PXN: variants seen among roughly 807,000 people sequenced by gnomAD.
PXN encodes the protein testicular tissue protein Li 134.
In PXN, 61 loss-of-function variants were observed where a neutral mutation model predicts 103.6. The observed-to-expected ratio is 0.59, with a 90% CI of 0.48 to 0.73. The LOEUF (loss-of-function observed/expected upper bound fraction) is 0.73, where lower values mean the gene tolerates loss of function less well. Among genes scored for constraint, PXN ranks in the 30% least tolerant of loss-of-function variants. The pLI, the probability that PXN is intolerant of heterozygous loss-of-function variation, is 0.00. For synonymous variants in PXN, 562 were observed against 607.8 expected, an observed-to-expected ratio of 0.92 and a Z score of 1.11; for missense variants, 1,274 against 1,460.3, an observed-to-expected ratio of 0.87 and a Z score of 2.08.
chr12:120,235,459 G>A (rs1023026414), intron 1 of PXN, among the ~76,000 whole-genome samples: 7 of 152,036 alleles, frequency 4.6e-5, no homozygotes, highest in African/African-American at 1.7e-4. Flanking sequence ...CGAGGACTGC[G>A]CTGCCTGACT....
In PXN at chr12:120,216,217, GA is replaced by G. The variant is rs1475179096; in HGVS notation, c.2301+55del. 6.3e-6 allele frequency: 8 copies of G among 1,269,826 alleles called. No homozygotes were observed. Among genetic ancestry groups the G allele is most frequent in the Non-Finnish European group, 6.9e-6 (7 of 1,011,448 alleles). 78.7% of individuals were successfully genotyped at this position (1,269,826 alleles called of 1,614,324 possible). A position where few individuals can be genotyped will look rare whatever the true frequency, so the allele number is the denominator to read the frequency against. On this transcript the variant is annotated intron_variant, in intron 9 of 14. Coordinates refer to ENST00000637617, the MANE Select transcript of PXN (RefSeq NM_001385981.1). The surrounding 1 kb of genome is among the most constrained non-coding windows in gnomAD (Gnocchi z 5.1). ...GCACGTGTGTGTGTGCAGAGTGGGG[GA>G]TGGCTCAGGCATTAGGACAGGGGAC... is the stretch of plus-strand genomic sequence containing the variant.
In PXN at chr12:120,212,820, A is replaced by G. The variant is rs377417922; in HGVS notation, c.2980-240T>C. On this transcript the variant is annotated intron_variant, in intron 14 of 14. Coordinates refer to ENST00000637617, the MANE Select transcript of PXN (RefSeq NM_001385981.1). This position sits in a 1 kb window ranked among gnomAD's most constrained non-coding sequence, Gnocchi z 7.2. ...TGCTGGTCAAATGTGGCCTCCTGCA[A>G]TCCTCCCACCTCGGCCTCCCACAGG... 7.0e-6 allele frequency: 3 copies of G among 426,316 alleles called. No individual in the cohort carries two copies. Among genetic ancestry groups the G allele is most frequent in the African/African-American group, 6.1e-5 (3 of 49,322 alleles). 26.4% of individuals were successfully genotyped at this position (426,316 alleles called of 1,614,324 possible). A position where few individuals can be genotyped will look rare whatever the true frequency, so the allele number is the denominator to read the frequency against.
At position 120,219,584 on chromosome 12, in the gene PXN, C is replaced by T. The variant is rs1473015577; in HGVS notation, c.1339G>A (p.Glu447Lys). Residue 447 changes from glutamate (E) to lysine (K), a missense_variant, in exon 7 of 15, where the codon GAG (glutamate) becomes AAG (lysine). Transcript: ENST00000637617. This position sits in a 1 kb window ranked among gnomAD's most constrained non-coding sequence, Gnocchi z 6.5. ...QPWASEVFGP[E>K]RMPPSGAARS... ...GCAGCTCCAGAGGGGGGCATTCTCT[C>T]AGGCCCGAATACCTCCGAAGCCCAT... 2 of 1,568,778 alleles carry T rather than the reference C, an allele frequency of 1.3e-6. No homozygotes were observed. The highest frequency in any genetic ancestry group is 1.7e-6 in the Non-Finnish European group (2 of 1,164,874).
chr12:120,238,427 G>A (rs941108733), intron 1 of PXN, among the ~76,000 whole-genome samples: 2 of 152,194 alleles, frequency 1.3e-5, no homozygotes, highest in Admixed American at 6.5e-5. Flanking sequence ...CTCCAACCAG[G>A]CTTGGCTGGC....
intron 1 of PXN, chr12:120,227,052 C>T: frequency 1.0e-6 from 1 of 986,316 alleles, no homozygotes; most frequent in Non-Finnish European, 1.2e-6. Context: ...ATGCAAAGTA[C>T]TAACTTCTTC....
chr12:120,248,920 T>C (rs990225185), intron 1 of PXN, among the ~76,000 whole-genome samples: 1 of 152,128 alleles, frequency 6.6e-6, no homozygotes, highest in Non-Finnish European at 1.5e-5. Flanking sequence ...GTGGATCACC[T>C]GAGGTCAGGA....
rs746023566 is a variant in PXN, at chr12:120,214,131, C to T, written c.2830+5G>A. The stretch of plus-strand genomic sequence containing the variant: ...GGTGGGTCAGTCCGCCGGTCCAGCC[C>T]GTACCTTCGGGACCAAAGAAGGCTC... On this transcript the variant is annotated splice_donor_5th_base_variant and intron_variant, in intron 13 of 14. Transcript: ENST00000637617. This position sits in a 1 kb window ranked among gnomAD's most constrained non-coding sequence, Gnocchi z 5.0. 1.7e-4 allele frequency: 261 copies of T among 1,553,114 alleles called. No individual in the cohort carries two copies. Among genetic ancestry groups the T allele is most frequent in the Admixed American group, 1.4e-3 (73 of 51,126 alleles).
intron 1 of PXN, among the ~76,000 whole-genome samples, chr12:120,230,812 C>T (rs1369787297): frequency 1.3e-5 from 2 of 152,034 alleles, no homozygotes; most frequent in African/African-American, 4.8e-5. Flanking sequence ...ACAATTAGGC[C>T]AGATCCACTC....
chr12:120,262,511 AC>A (rs1347238897), intron 1 of PXN, among the ~76,000 whole-genome samples: 7 of 152,206 alleles, frequency 4.6e-5, no homozygotes, highest in Admixed American at 2.6e-4. Flanking sequence ...TCCCAGCACT[AC>A]CACTAAACTT....
chr12:120,265,603 TC>T lies in PXN; in HGVS notation c.13+13del. On this transcript the variant is annotated intron_variant, in intron 1 of 14. Transcript: ENST00000637617. The surrounding 1 kb of genome is among the most constrained non-coding windows in gnomAD (Gnocchi z 5.7). ...CCTCTCGCCTCCTCCTCCCTCGGCCTCCCGCTCACTCACCGAGGTCGTCCAT... is the reference window on the plus strand; with the variant it reads ...CCTCTCGCCTCCTCCTCCCTCGGCCTCCGCTCACTCACCGAGGTCGTCCAT... The T allele has an allele frequency of 6.7e-7, 1 of 1,485,462 alleles. No individual in the cohort carries two copies. 92.0% of individuals were successfully genotyped at this position (1,485,462 alleles called of 1,614,324 possible).
intron 1 of PXN, among the ~76,000 whole-genome samples, chr12:120,227,364 G>A (rs1887092069): frequency 6.6e-6 from 1 of 152,198 alleles, no homozygotes; most frequent in Non-Finnish European, 1.5e-5. Context: ...AGCTGGGTGT[G>A]GTGATATGCG....
Position 120,214,054 on chromosome 12 carries a change from T to TC in PXN, c.2831-65dup, listed in dbSNP as rs1447723683. ...CTTCCAGAAGTGGAGCCACTCTGAC[T>TC]CCAACCTCAGCAGCGTCTCCCACCC... On this transcript the variant is annotated intron_variant, in intron 13 of 14. Coordinates refer to ENST00000637617, the MANE Select transcript of PXN (RefSeq NM_001385981.1). This position sits in a 1 kb window ranked among gnomAD's most constrained non-coding sequence, Gnocchi z 5.0. The TC allele has an allele frequency of 3.1e-5, 49 of 1,587,358 alleles. No individual in the cohort carries two copies. In the Middle Eastern group the frequency reaches 1.5e-3, roughly 48 times the overall value.
In PXN at chr12:120,221,398, CT is replaced by C. The variant is rs1885120709; in HGVS notation, c.831+224del. Among the ~76,000 whole-genome samples, 2 of 152,316 alleles carry C rather than the reference CT, an allele frequency of 1.3e-5. No individual in the cohort carries two copies. Among genetic ancestry groups the C allele is most frequent in the South Asian group, 4.1e-4 (2 of 4,830 alleles). On this transcript the variant is annotated intron_variant, in intron 6 of 14. Coordinates refer to ENST00000637617, the MANE Select transcript of PXN (RefSeq NM_001385981.1). The surrounding 1 kb of genome is among the most constrained non-coding windows in gnomAD (Gnocchi z 6.6). The stretch of plus-strand genomic sequence containing the variant: ...ATGTCCCAGCTGAGCACTTCTCCAG[CT>C]TGTCTGCCTTCACTGGCTACTGCAA...
chr12:120,234,437 G>T (rs1436832272), intron 1 of PXN, among the ~76,000 whole-genome samples: 1 of 152,038 alleles, frequency 6.6e-6, no homozygotes, highest in Admixed American at 6.6e-5. Context: ...AAACAGATAA[G>T]ATTTTGCTCT....
In PXN at chr12:120,225,204, T is replaced by A; in HGVS notation, c.14-827A>T. 6.0e-6 allele frequency: 1 copy of A among 166,738 alleles called. No homozygotes were observed. Among genetic ancestry groups the A allele is most frequent in the Admixed American group, 5.6e-5 (1 of 17,980 alleles). The allele number at this position is 166,738 out of a possible 1,614,324, so 10.3% of individuals were successfully genotyped here. ...CCCCAGTCTCCAGAAAAGAAGGGTA[T>A]AGAAGGGCAGGAGTAGGACCTGCTG... On this transcript the variant is annotated intron_variant, in intron 1 of 14. Coordinates refer to ENST00000637617, the MANE Select transcript of PXN (RefSeq NM_001385981.1). The surrounding 1 kb of genome is among the most constrained non-coding windows in gnomAD (Gnocchi z 4.4).
At chr12:120,254,671 C>A (rs1018086811) in intron 1 of PXN, among the ~76,000 whole-genome samples, 2 of 152,054 alleles carry the variant, frequency 1.3e-5, no homozygotes, top group Non-Finnish European at 1.5e-5. Flanking sequence ...CTGCCTCAGC[C>A]TCCCAAATAG....
rs1427968643 is a variant in PXN at position 120,265,096 on chromosome 12, G to A, written c.13+521C>T. Among the ~76,000 whole-genome samples the A allele has an allele frequency of 4.6e-5, 7 of 152,006 alleles. No individual in the cohort carries two copies. ...TCCGAGGGGTTATCCCTGAAGGGGG[G>A]TGCTAGTCTGTGAAGTGGGGGGCGG... On this transcript the variant is annotated intron_variant, in intron 1 of 14. Coordinates refer to ENST00000637617, the MANE Select transcript of PXN (RefSeq NM_001385981.1). The surrounding 1 kb of genome is among the most constrained non-coding windows in gnomAD (Gnocchi z 5.7).
At chr12:120,230,028 C>T (rs1000015133) in intron 1 of PXN, among the ~76,000 whole-genome samples, 2 of 152,192 alleles carry the variant, frequency 1.3e-5, no homozygotes, top group African/African-American at 2.4e-5. Flanking sequence ...ATTCTCGAGG[C>T]CTGGCCCAGG....
intron 1 of PXN, among the ~76,000 whole-genome samples, chr12:120,245,343 T>C (rs1186619298): frequency 6.6e-6 from 1 of 151,602 alleles, no homozygotes; most frequent in Non-Finnish European, 1.5e-5. Context: ...ACGTACAGAT[T>C]AGTGAGGCTG....
Sources: gnomAD v4.1 joint callset for allele counts (sites outside exome capture counted in the v4.1 genomes callset) on GRCh38, gnomAD v4.1.1 for gene constraint, Gnocchi (gnomAD v3.1) non-coding constraint, MANE v1.5 for transcripts, NCBI Gene and HGNC (gene_info 2026-07-23, HGNC 2026-07-21) for gene names.